MYLIP: variants seen among roughly 807,000 people sequenced by gnomAD.
The protein encoded by MYLIP is E3 ubiquitin-protein ligase MYLIP.
A neutral mutation model predicts 45.8 loss-of-function variants in MYLIP; 26 were observed. That is an observed-to-expected ratio of 0.57 (90% confidence interval 0.42 to 0.79). The LOEUF (loss-of-function observed/expected upper bound fraction) is 0.79. Ranked by LOEUF, MYLIP falls within the 30% of genes least tolerant of loss-of-function variation. MYLIP has a pLI of 0.00. For synonymous variants in MYLIP, 213 were observed against 218.1 expected (o/e 0.98, Z 0.21); for missense variants, 494 against 555.6 (o/e 0.89, Z 1.11).
chr6:16,145,459 C>T (rs1369001287), intron 6 of MYLIP, 142 bp downstream of exon 6: 3 of 896,036 alleles, frequency 3.3e-6, no homozygotes, highest in Admixed American at 3.0e-5. Context: ...TATTTGGTGA[C>T]CTAAAAGGCA....
Position 16,144,550 on chromosome 6 carries a change from TG to T in MYLIP, c.828-344del, listed in dbSNP as rs561826523. 3.0e-3 allele frequency among the ~76,000 whole-genome samples: 461 copies of T among 152,306 alleles called. 4 individuals are homozygous for T. Among genetic ancestry groups the T allele is most frequent in the African/African-American group, 0.011 (444 of 41,570 alleles). On this transcript the variant is annotated intron_variant, in intron 5 of 6. Coordinates refer to ENST00000356840, the MANE Select transcript of MYLIP (RefSeq NM_013262.4). ...TAGATACACAAATTGTGAAACAGGATGGGAAATTTTTAGACATTTCTAACCT... is the reference window on the plus strand; with the variant it reads ...TAGATACACAAATTGTGAAACAGGATGGAAATTTTTAGACATTTCTAACCT...
chr6:16,129,526 A>G lies in MYLIP; in HGVS notation c.87+117A>G, dbSNP rs1346180813. 5.1e-6 allele frequency: 5 copies of G among 973,220 alleles called. No homozygotes were observed. Among genetic ancestry groups the G allele is most frequent in the Non-Finnish European group, 7.4e-6 (5 of 676,184 alleles). 60.3% of individuals were successfully genotyped at this position (973,220 alleles called of 1,614,324 possible). ...AGGGGCCGGGAGGCACTGCGGCGGC[A>G]GCCGGGGGGAGCGCGTCCCCTCCTC... On this transcript the variant is annotated intron_variant, in intron 1 of 6. Coordinates refer to ENST00000356840, the MANE Select transcript of MYLIP (RefSeq NM_013262.4). This position sits in a 1 kb window ranked among gnomAD's most constrained non-coding sequence, Gnocchi z 5.1.
chr6:16,143,670 C>T, intron 4 of MYLIP, 29 bp from the exon 5 acceptor site: 1 of 1,610,822 alleles, frequency 6.2e-7, no homozygotes, highest in Non-Finnish European at 8.5e-7. Flanking sequence ...CCTTCTAGAT[C>T]TGCTTTCTTT....
At chr6:16,159,586 A>G in the MYLIP span, among the ~76,000 whole-genome samples, 8 of 152,278 alleles carry the variant, frequency 5.3e-5, no homozygotes, top group South Asian at 1.5e-3. Context: ...CAGTGACAGT[A>G]TCTGTTCATC....
chr6:16,133,237 A>G (rs1446821413), intron 2 of MYLIP, among the ~76,000 whole-genome samples: 1 of 152,188 alleles, frequency 6.6e-6, no homozygotes, highest in Non-Finnish European at 1.5e-5. Context: ...GCCTCTGAAG[A>G]GATGGTTTCT....
intron 2 of MYLIP, among the ~76,000 whole-genome samples, chr6:16,135,696 T>C (rs1238547991): frequency 4.0e-5 from 6 of 149,664 alleles, no homozygotes; most frequent in African/African-American, 1.5e-4. Flanking sequence ...AATTGGAGAT[T>C]TTTTACAGGG....
At chr6:16,142,774 T>TTAGAGA in intron 3 of MYLIP, among the ~76,000 whole-genome samples, 1 of 152,230 alleles carries the variant, frequency 6.6e-6, no homozygotes, top group Non-Finnish European at 1.5e-5. Context: ...TTTCCATAAT[T>TTAGAGA]CTTCCAATTC....
At chr6:16,134,798 T>G (rs1168385731) in intron 2 of MYLIP, among the ~76,000 whole-genome samples, 2 of 152,228 alleles carry the variant, frequency 1.3e-5, no homozygotes, top group East Asian at 3.8e-4. Context: ...TCTGATATAA[T>G]TTTTTCTTTT....
At chr6:16,130,860 A>G in intron 2 of MYLIP, 113 bp downstream of exon 2, 1 of 1,077,888 alleles carries the variant, frequency 9.3e-7, no homozygotes, top group African/African-American at 1.6e-5. Flanking sequence ...GCGGAGTTCC[A>G]TCTTAACTTA....
the MYLIP span, chr6:16,163,244 G>A: frequency 6.6e-6 from 1 of 152,192 alleles, no homozygotes; most frequent in African/African-American, 2.4e-5. Context: ...CAAAAGCATT[G>A]TGATTAATAC....
the MYLIP span, chr6:16,161,327 G>A: frequency 2.3e-4 from 71 of 311,844 alleles, no homozygotes; most frequent in Admixed American, 1.5e-3. Flanking sequence ...TCAGATGGGT[G>A]CCCACAATTA....
chr6:16,142,577 CTCTG>C (rs1250172725), intron 3 of MYLIP, among the ~76,000 whole-genome samples: 5 of 152,246 alleles, frequency 3.3e-5, no homozygotes, highest in African/African-American at 1.2e-4. Context: ...GCAGGTAGAA[CTCTG>C]TCTCATCTGA....
intron 5 of MYLIP, 100 bp from the exon 6 acceptor site, chr6:16,144,797 A>G: frequency 3.7e-6 from 5 of 1,357,164 alleles, no homozygotes; most frequent in African/African-American, 1.5e-5. Flanking sequence ...AGACGAGACT[A>G]TGAAACATCT....
intron 3 of MYLIP, among the ~76,000 whole-genome samples, chr6:16,142,122 T>C (rs1759686479): frequency 6.6e-6 from 1 of 152,204 alleles, no homozygotes; most frequent in African/African-American, 2.4e-5. Flanking sequence ...GCATCAGGGC[T>C]ACTGCATATA....
chr6:16,151,845 G>A (rs199817492), downstream of MYLIP, among the ~76,000 whole-genome samples: 747 of 152,300 alleles, frequency 4.9e-3, 7 homozygotes, highest in African/African-American at 0.017. Flanking sequence ...GCTTGCCATA[G>A]TGCTAAGGGC....
chr6:16,158,967 C>A, the MYLIP span, among the ~76,000 whole-genome samples: 1 of 152,184 alleles, frequency 6.6e-6, no homozygotes, highest in Non-Finnish European at 1.5e-5. Flanking sequence ...TAACACTGTG[C>A]CCAGAATATA....
At chr6:16,153,001 C>A (rs563072460), downstream of MYLIP, among the ~76,000 whole-genome samples, 39 of 152,160 alleles carry the variant, frequency 2.6e-4, no homozygotes, top group South Asian at 7.5e-3. Context: ...CCCTGGTAAC[C>A]CCTACTCCCA....
chr6:16,132,483 T>C (rs1759477768), intron 2 of MYLIP, among the ~76,000 whole-genome samples: 1 of 152,208 alleles, frequency 6.6e-6, no homozygotes, highest in African/African-American at 2.4e-5. Context: ...AACTAGGTAA[T>C]TTTAATTGAT....
Position 16,129,732 on chromosome 6 carries a change from C to T in MYLIP, c.87+323C>T, listed in dbSNP as rs1202953394. ...GAAGAAGGCGGCTCCGCACACCTGC[C>T]GCAGGTATGTGCGTGATGCCGCCTG... On this transcript the variant is annotated intron_variant, in intron 1 of 6. Transcript: ENST00000356840. This position sits in a 1 kb window ranked among gnomAD's most constrained non-coding sequence, Gnocchi z 5.1. Among the ~76,000 whole-genome samples the T allele has an allele frequency of 1.3e-5, 2 of 152,224 alleles. No homozygotes were observed. Among genetic ancestry groups the T allele is most frequent in the South Asian group, 2.1e-4 (1 of 4,832 alleles).
Sources: allele counts gnomAD v4.1 joint callset (sites outside exome capture counted in the v4.1 genomes callset), GRCh38; gene constraint gnomAD v4.1.1; non-coding constraint Gnocchi (gnomAD v3.1); transcripts MANE v1.5; gene names NCBI Gene and HGNC (gene_info 2026-07-23, HGNC 2026-07-21).